FMNL2: variants seen among roughly 807,000 people sequenced by gnomAD.
FMNL2 encodes the protein formin-like protein 2.
A neutral mutation model predicts 130.2 loss-of-function variants in FMNL2; 51 were observed. The ratio of observed to expected loss-of-function variants is 0.39; its 90% CI spans 0.31 to 0.49. The LOEUF (loss-of-function observed/expected upper bound fraction) is 0.49. Among genes scored for constraint, FMNL2 ranks in the 20% least tolerant of loss-of-function variants. The pLI is 0.85. For synonymous variants in FMNL2, 465 were observed against 467.1 expected (o/e 1.00, Z 0.06); for missense variants, 977 against 1,316.2 (o/e 0.74, Z 3.99).
rs774115709 is a variant in FMNL2 at position 152,628,434 on chromosome 2, G to C, written c.2301G>C (p.Arg767=). The change falls in exon 18 of 26, where the codon CGG becomes CGC. Residue 767 remains arginine (R), a synonymous_variant. Transcript: ENST00000288670. The part of the protein sequence containing the change: ...KPLENLSDED[R]FMMQFSKIER... ...TGGAAAACTTGTCAGATGAAGATCG[G>C]TTCATGATGCAGTTTAGTAAAATCG... 2 of 1,614,048 alleles carry C rather than the reference G, an allele frequency of 1.2e-6. No individual in the cohort carries two copies. The highest frequency in any genetic ancestry group is 1.7e-6 in the Non-Finnish European group (2 of 1,179,898).
chr2:152,632,191 T>G, intron 21 of FMNL2, 54 bp downstream of exon 21: 3 of 1,573,806 alleles, frequency 1.9e-6, no homozygotes, highest in Non-Finnish European at 2.6e-6. Flanking sequence ...CCTTTAATTG[T>G]GGTGGAGCCA....
chr2:152,637,535 T>C (rs372594635), intron 22 of FMNL2, 38 bp from the exon 23 acceptor site: 85 of 1,546,836 alleles, frequency 5.5e-5, no homozygotes, highest in Non-Finnish European at 7.2e-5. Flanking sequence ...TTCAAATGCC[T>C]AACTAATGAA....
intron 9 of FMNL2, among the ~76,000 whole-genome samples, chr2:152,603,609 C>G (rs946375257): frequency 1.3e-5 from 2 of 150,574 alleles, no homozygotes; most frequent in African/African-American, 4.8e-5. Context: ...GTTGCTTGTT[C>G]TATATTTGAT....
chr2:152,409,828 A>G (rs964838983), intron 1 of FMNL2, among the ~76,000 whole-genome samples: 1 of 152,212 alleles, frequency 6.6e-6, no homozygotes, highest in African/African-American at 2.4e-5. Context: ...CATATTGCTT[A>G]GGGGCAAAGC....
chr2:152,497,042 C>T (rs1400827037), intron 1 of FMNL2, among the ~76,000 whole-genome samples: 2 of 152,076 alleles, frequency 1.3e-5, no homozygotes, highest in South Asian at 2.1e-4. Flanking sequence ...GATGTCAGTA[C>T]TTCTAGCCGT....
chr2:152,625,390 C>T (rs996277174), intron 15 of FMNL2, 48 bp from the exon 16 acceptor site: 17 of 1,575,210 alleles, frequency 1.1e-5, no homozygotes, highest in East Asian at 6.8e-5. Flanking sequence ...TCCTGAGGGT[C>T]GTAGGCTTTT....
intron 1 of FMNL2, among the ~76,000 whole-genome samples, chr2:152,413,341 A>C (rs1210975691): frequency 6.6e-6 from 1 of 152,212 alleles, no homozygotes; most frequent in Non-Finnish European, 1.5e-5. Flanking sequence ...CTTAAAAAAA[A>C]AATGCTGCTA....
chr2:152,606,903 A>G (rs1698387918), intron 9 of FMNL2, among the ~76,000 whole-genome samples: 1 of 151,464 alleles, frequency 6.6e-6, no homozygotes, highest in Non-Finnish European at 1.5e-5. Flanking sequence ...AGTTATACAT[A>G]TGAACATTTT....
intron 1 of FMNL2, among the ~76,000 whole-genome samples, chr2:152,453,603 C>G (rs1170564587): frequency 6.6e-6 from 1 of 152,156 alleles, no homozygotes; most frequent in Non-Finnish European, 1.5e-5. Flanking sequence ...AGATTCAATG[C>G]CTGCTTTTGT....
At chr2:152,464,441 A>G (rs1421849941) in intron 1 of FMNL2, among the ~76,000 whole-genome samples, 2 of 152,202 alleles carry the variant, frequency 1.3e-5, no homozygotes, top group Non-Finnish European at 2.9e-5. Context: ...ATAATTCCCA[A>G]GGTCTCTCTC....
intron 1 of FMNL2, among the ~76,000 whole-genome samples, chr2:152,519,628 G>A (rs1034195244): frequency 6.6e-6 from 1 of 152,200 alleles, no homozygotes; most frequent in African/African-American, 2.4e-5. Context: ...AACAGACTAA[G>A]TTTAGGTCCT....
intron 9 of FMNL2, among the ~76,000 whole-genome samples, chr2:152,583,024 C>T (rs192735275): frequency 8.5e-5 from 13 of 152,230 alleles, no homozygotes; most frequent in African/African-American, 1.2e-4. Flanking sequence ...ATAGTAGGCC[C>T]ACAGATACTT....
intron 9 of FMNL2, among the ~76,000 whole-genome samples, chr2:152,596,023 C>A (rs1220000859): frequency 6.7e-6 from 1 of 150,190 alleles, no homozygotes; most frequent in East Asian, 2.0e-4. Context: ...AGTGCAGTGG[C>A]ACCATCTCGG....
At chr2:152,505,612 G>A (rs930967765) in intron 1 of FMNL2, among the ~76,000 whole-genome samples, 3 of 152,176 alleles carry the variant, frequency 2.0e-5, no homozygotes, top group African/African-American at 7.2e-5. Flanking sequence ...TAATTCGTCA[G>A]TAGCTTTGGC....
chr2:152,484,294 A>G (rs1040945328), intron 1 of FMNL2, among the ~76,000 whole-genome samples: 25 of 152,314 alleles, frequency 1.6e-4, no homozygotes, highest in African/African-American at 5.8e-4. Context: ...TCTTGCTTAC[A>G]TAATTTAAAA....
intron 1 of FMNL2, among the ~76,000 whole-genome samples, chr2:152,481,143 A>G (rs2105233801): frequency 6.6e-6 from 1 of 152,244 alleles, no homozygotes; most frequent in East Asian, 1.9e-4. Context: ...AAAGGAAAGT[A>G]AACACTTAAC....
At chr2:152,490,178 CA>C (rs958567845) in intron 1 of FMNL2, among the ~76,000 whole-genome samples, 1 of 148,870 alleles carries the variant, frequency 6.7e-6, no homozygotes, top group African/African-American at 2.5e-5. Flanking sequence ...GGGAAACTTG[CA>C]AAAAAAGGGG....
chr2:152,565,349 G>A (rs189061262), intron 6 of FMNL2, among the ~76,000 whole-genome samples: 1 of 152,270 alleles, frequency 6.6e-6, no homozygotes, highest in African/African-American at 2.4e-5. Flanking sequence ...GCTCCAGGTG[G>A]AGGGGAAGTG....
At chr2:152,642,799 G>A (rs767544670) in intron 25 of FMNL2, among the ~76,000 whole-genome samples, 1 of 152,174 alleles carries the variant, frequency 6.6e-6, no homozygotes, top group Non-Finnish European at 1.5e-5. Flanking sequence ...CTTGAGATCA[G>A]GACTTCGAAA....
Sources: gnomAD v4.1 joint callset for allele counts (sites outside exome capture counted in the v4.1 genomes callset) on GRCh38, gnomAD v4.1.1 for gene constraint, MANE v1.5 for transcripts, NCBI Gene and HGNC (gene_info 2026-07-23, HGNC 2026-07-21) for gene names.